The following HPS4 variants were observed in gnomAD, a reference collection of about 807,000 sequenced individuals.
HPS4 encodes HPS4 biogenesis of lysosomal organelles complex 3 subunit 2, also known as BLOC-3 complex member HPS4.
Under a neutral mutation model 70.3 loss-of-function variants are expected in HPS4, and 44 were observed. The observed-to-expected ratio is 0.63, with a 90% CI of 0.49 to 0.80. The LOEUF is 0.80. HPS4 is among the 30% of genes least tolerant of loss of function. HPS4 has a pLI of 0.00. For synonymous variants in HPS4, 377 were observed against 355.9 expected (o/e 1.06, Z -0.67); for missense variants, 873 against 884.4 (o/e 0.99, Z 0.16).
chr22:26,445,943 C>A (rs2084938962), downstream of HPS4, among the ~76,000 whole-genome samples: 1 of 152,148 alleles, frequency 6.6e-6, no homozygotes, highest in African/African-American at 2.4e-5. Flanking sequence ...TAGAAGCAGC[C>A]GGGCTGCCGC....
chr22:26,472,604 G>A (rs377554634), intron 5 of HPS4, among the ~76,000 whole-genome samples, 186 bp from the exon 6 acceptor site: 2 of 152,228 alleles, frequency 1.3e-5, no homozygotes, highest in Non-Finnish European at 2.9e-5. Flanking sequence ...CAGGGCCTGC[G>A]CTTTCTAAAC....
rs745886017 is a variant in HPS4 at position 26,458,015 on chromosome 22, G to A, written c.1847-48C>T. ...TGTGAAGAGCAGACAGTTACCTTCT[G>A]CCCTCCCACCCCATGAAGCCCAGTA... On this transcript the variant is annotated intron_variant, in intron 12 of 13. Coordinates refer to ENST00000398145, the MANE Select transcript of HPS4 (RefSeq NM_022081.6). 18 of 1,387,500 alleles carry A rather than the reference G, an allele frequency of 1.3e-5. No individual in the cohort carries two copies. The East Asian group carries it at 1.6e-4, about 13-fold the overall frequency. 85.9% of individuals were successfully genotyped at this position (1,387,500 alleles called of 1,614,324 possible).
Position 26,465,444 on chromosome 22 carries a change from C to T in HPS4, c.803+11G>A, listed in dbSNP as rs746795470. Reference sequence around the variant, plus strand: ...TGTGGTGCAAGGTTAACTCTCTGTGCACTCCATTACCTTGTCATCTGTTCC... The same window carrying T: ...TGTGGTGCAAGGTTAACTCTCTGTGTACTCCATTACCTTGTCATCTGTTCC... On this transcript the variant is annotated intron_variant, in intron 10 of 13. Coordinates refer to ENST00000398145, the MANE Select transcript of HPS4 (RefSeq NM_022081.6). 28 of 1,589,282 alleles carry T rather than the reference C, an allele frequency of 1.8e-5. No homozygotes were observed. The highest frequency in any genetic ancestry group is 4.4e-5 in the South Asian group (4 of 90,572).
chr22:26,450,241 C>T (rs2085098947), downstream of HPS4, among the ~76,000 whole-genome samples: 1 of 152,228 alleles, frequency 6.6e-6, no homozygotes, highest in East Asian at 1.9e-4. Flanking sequence ...ATTCAGCTCA[C>T]TGCACACACA....
chr22:26,450,737 T>C (rs1013197190), downstream of HPS4, among the ~76,000 whole-genome samples: 1 of 152,328 alleles, frequency 6.6e-6, no homozygotes, highest in African/African-American at 2.4e-5. Context: ...CTGATGGTTG[T>C]ATAAGGGGCT....
chr22:26,480,003 T>C (rs192174173), intron 2 of HPS4, among the ~76,000 whole-genome samples: 1 of 152,316 alleles, frequency 6.6e-6, no homozygotes, highest in Admixed American at 6.5e-5. Context: ...TCATTAACCG[T>C]CTCCTGATTC....
intron 8 of HPS4, chr22:26,467,717 T>C (rs1174258557): frequency 6.6e-6 from 1 of 152,040 alleles, no homozygotes; most frequent in Non-Finnish European, 1.5e-5. Flanking sequence ...CACAGCTTCA[T>C]ACACAAAACA....
In HPS4 at chr22:26,477,133, G is replaced by A; in HGVS notation, c.136C>T (p.Leu46=). Residue 46 remains leucine, a synonymous_variant, in exon 4 of 14, where the codon CTG becomes TTG. Transcript: ENST00000398145. ...GICYFYPSQT[L]LDQQELLCGQ... is the part of the protein sequence containing the mutation. ...CAAAGCAACTCCTGTTGGTCTAGCA[G>A]GGTCTGTGGGAAAGGAGCACATTCC... 2 of 1,614,192 alleles carry A rather than the reference G, an allele frequency of 1.2e-6. No individual in the cohort carries two copies. The highest frequency in any genetic ancestry group is 1.7e-6 in the Non-Finnish European group (2 of 1,180,030).
intron 13 of HPS4, among the ~76,000 whole-genome samples, chr22:26,456,924 A>T (rs896167003): frequency 1.3e-5 from 2 of 152,212 alleles, no homozygotes; most frequent in African/African-American, 4.8e-5. Flanking sequence ...CAATAATCAT[A>T]ATATTTCTTC....
intron 6 of HPS4, chr22:26,471,487 T>A: frequency 2.3e-6 from 1 of 443,054 alleles, no homozygotes. Context: ...CCAGCAAGTA[T>A]CCACCAGCTG....
chr22:26,468,998 G>A (rs549917677), intron 7 of HPS4, among the ~76,000 whole-genome samples: 1 of 152,282 alleles, frequency 6.6e-6, no homozygotes, highest in East Asian at 1.9e-4. Context: ...AACCGGTAAG[G>A]AAATCTTCAC....
chr22:26,466,149 T>C, intron 9 of HPS4, 77 bp downstream of exon 9: 1 of 1,612,508 alleles, frequency 6.2e-7, no homozygotes, highest in Non-Finnish European at 8.5e-7. Context: ...CTTGGTTTCC[T>C]TCGCATAACT....
rs918018713 is a variant in HPS4 at position 26,457,577 on chromosome 22, C to T, written c.1955+282G>A. Among the ~76,000 whole-genome samples, 4 of 152,138 alleles carry T rather than the reference C, an allele frequency of 2.6e-5. No individual in the cohort carries two copies. In the South Asian group the frequency reaches 6.2e-4, roughly 24 times the overall value. On this transcript the variant is annotated intron_variant, in intron 13 of 13. Transcript: ENST00000398145. The stretch of plus-strand genomic sequence containing the variant: ...GTTTCTAGCAAGGAGACGGAGCCAC[C>T]GTCCCTAGTAATGGATGTAGCTCCA...
intron 11 of HPS4, 72 bp from the exon 12 acceptor site, chr22:26,458,649 A>G (rs1669902333): frequency 3.2e-6 from 5 of 1,571,274 alleles, no homozygotes; most frequent in Admixed American, 3.6e-5. Flanking sequence ...AGTTAACCAC[A>G]GACTTAGTTA....
At chr22:26,465,107 C>G (rs1601917959) in intron 10 of HPS4, among the ~76,000 whole-genome samples, 1 of 152,240 alleles carries the variant, frequency 6.6e-6, no homozygotes, top group African/African-American at 2.4e-5. Flanking sequence ...AGGCCCTATA[C>G]TAGGTGCTGT....
intron 13 of HPS4, 70 bp downstream of exon 13, chr22:26,457,789 G>T: frequency 8.8e-7 from 1 of 1,137,634 alleles, no homozygotes; most frequent in Non-Finnish European, 1.3e-6. Flanking sequence ...GGCGCTGCCT[G>T]GGCCCCACAG....
chr22:26,478,513 G>A (rs2090875022), intron 3 of HPS4, among the ~76,000 whole-genome samples: 1 of 145,572 alleles, frequency 6.9e-6, no homozygotes, highest in Non-Finnish European at 1.5e-5. Flanking sequence ...GGAGCATGCA[G>A]TGAGCAGAGA....
Position 26,472,910 on chromosome 22 carries a change from A to C in HPS4, c.306T>G (p.Asp102Glu). 1 of 1,614,242 alleles carries C rather than the reference A, an allele frequency of 6.2e-7. No individual in the cohort carries two copies. Among genetic ancestry groups the C allele is most frequent in the Non-Finnish European group, 8.5e-7 (1 of 1,180,028 alleles). The change falls in exon 5 of 14, where the codon GAT becomes GAG. Residue 102 changes from aspartate (D) to glutamate (E), a missense_variant. By Grantham distance (45) the Asp-to-Glu change is conservative (BLOSUM62 2). Transcript: ENST00000398145. ...GATCCAGAAACCGCTTGCAGCTGAC[A>C]TCAGGGAGCTCCACAGCACAGCCCA... ...WVLGCAVELPDVSCKRFLDQL... is the reference protein window; with the variant it reads ...WVLGCAVELPEVSCKRFLDQL...
At chr22:26,445,623 C>T (rs2084928848) in intron 3 of HPS4, among the ~76,000 whole-genome samples, 1 of 152,200 alleles carries the variant, frequency 6.6e-6, no homozygotes, top group African/African-American at 2.4e-5. Flanking sequence ...GGGCAAGTCC[C>T]TTAGCCTCTC....
Sources: allele counts gnomAD v4.1 joint callset (sites outside exome capture counted in the v4.1 genomes callset), GRCh38; gene constraint gnomAD v4.1.1; transcripts MANE v1.5; gene names NCBI Gene and HGNC (gene_info 2026-07-23, HGNC 2026-07-21).